The following LGR6 variants were observed in gnomAD, a reference collection of about 807,000 sequenced individuals.
The protein encoded by LGR6 is leucine-rich repeat-containing G protein-coupled receptor 6.
LGR6 carries 45 observed loss-of-function variants against 69.4 expected under a neutral mutation model. The ratio of observed to expected loss-of-function variants is 0.65; its 90% confidence interval spans 0.51 to 0.83. The LOEUF is 0.83. Ranked by LOEUF, LGR6 falls within the 40% of genes least tolerant of loss-of-function variation. LGR6 has a pLI of 0.00. For missense variants in LGR6, 1,108 were observed against 1,246.7 expected, an observed-to-expected ratio of 0.89 and a Z score of 1.68; for synonymous variants, 538 against 555.0, an observed-to-expected ratio of 0.97 and a Z score of 0.43.
At chr1:202,248,825 G>A (rs1662980286) in intron 4 of LGR6, among the ~76,000 whole-genome samples, 1 of 152,202 alleles carries the variant, frequency 6.6e-6, no homozygotes, top group African/African-American at 2.4e-5. Flanking sequence ...TCCAGAAGGT[G>A]TCCTGCCTTT....
chr1:202,227,512 T>TA (rs1240547040), intron 2 of LGR6, among the ~76,000 whole-genome samples: 1 of 152,176 alleles, frequency 6.6e-6, no homozygotes, highest in East Asian at 1.9e-4. Context: ...CACCCCCTGG[T>TA]ACTCCTCCCT....
intron 4 of LGR6, among the ~76,000 whole-genome samples, chr1:202,254,968 G>A (rs945501360): frequency 8.5e-5 from 13 of 152,188 alleles, no homozygotes; most frequent in African/African-American, 3.1e-4. Flanking sequence ...AAAAGCCTGA[G>A]TGAAGTGTGA....
intron 6 of LGR6, 29 bp downstream of exon 6, chr1:202,280,881 G>A (rs1431514890): frequency 6.3e-7 from 1 of 1,593,082 alleles, no homozygotes; most frequent in Admixed American, 1.7e-5. Flanking sequence ...GTCAAACTCT[G>A]TCCTGCCTGG....
At chr1:202,292,351 G>A (rs922143807) in intron 6 of LGR6, among the ~76,000 whole-genome samples, 3 of 152,204 alleles carry the variant, frequency 2.0e-5, no homozygotes, top group African/African-American at 7.2e-5. Context: ...AATTAGTTCA[G>A]GTAGGCTAAA....
chr1:202,242,968 A>G (rs1409331316), intron 4 of LGR6, among the ~76,000 whole-genome samples: 1 of 152,212 alleles, frequency 6.6e-6, no homozygotes. Flanking sequence ...TGGGATGGCT[A>G]CTGCTAGATG....
At chr1:202,229,584 C>A (rs1660841993) in intron 3 of LGR6, among the ~76,000 whole-genome samples, 1 of 152,244 alleles carries the variant, frequency 6.6e-6, no homozygotes, top group East Asian at 1.9e-4. Flanking sequence ...CCTCCTCTTT[C>A]TTCTTTGCCT....
intron 5 of LGR6, among the ~76,000 whole-genome samples, chr1:202,278,946 A>T (rs1665799897): frequency 1.3e-5 from 2 of 152,120 alleles, no homozygotes; most frequent in African/African-American, 2.4e-5. Flanking sequence ...TTGTCTCTTT[A>T]TCTGGACTAT....
Position 202,297,571 on chromosome 1 carries a change from G to A in LGR6, c.780G>A (p.Gln260=). The A allele has an allele frequency of 1.9e-6, 3 of 1,613,720 alleles. No individual in the cohort carries two copies. Among genetic ancestry groups the A allele is most frequent in the Non-Finnish European group, 2.5e-6 (3 of 1,179,764 alleles). The change falls in exon 7 of 18, where the codon CAG becomes CAA. Residue 260 remains glutamine (Q), a synonymous_variant. Coordinates refer to ENST00000367278, the MANE Select transcript of LGR6 (RefSeq NM_001017403.2). ...CCATCCGGACCCTGGGCAGACTGCA[G>A]GAACTGTAAGCGCCTCTTTTGGTTT... is the stretch of plus-strand genomic sequence containing the variant. The part of the protein sequence containing the change: ...PVAIRTLGRL[Q]ELGFHNNNIK...
chr1:202,312,139 G>A (rs972480344), intron 16 of LGR6, among the ~76,000 whole-genome samples: 5 of 152,242 alleles, frequency 3.3e-5, no homozygotes, highest in South Asian at 4.1e-4. Context: ...CGCCTGTAAC[G>A]GGAGCTAGGG....
At chr1:202,304,273 G>A (rs182332179) in intron 10 of LGR6, among the ~76,000 whole-genome samples, 2 of 152,310 alleles carry the variant, frequency 1.3e-5, no homozygotes, top group Non-Finnish European at 1.5e-5. Context: ...TGAGACATGG[G>A]GTGGGGATGG....
At chr1:202,215,940 T>C (rs1002033670) in intron 1 of LGR6, among the ~76,000 whole-genome samples, 2 of 152,188 alleles carry the variant, frequency 1.3e-5, no homozygotes, top group African/African-American at 4.8e-5. Flanking sequence ...AAGGGATTAG[T>C]CTGAGGAAGC....
At chr1:202,276,794 A>G (rs1665596994) in intron 5 of LGR6, among the ~76,000 whole-genome samples, 2 of 152,192 alleles carry the variant, frequency 1.3e-5, no homozygotes, top group South Asian at 4.1e-4. Flanking sequence ...TTAAGCCATT[A>G]TTTTCTTGCC....
chr1:202,225,365 G>A, intron 1 of LGR6, 58 bp from the exon 2 acceptor site: 1 of 1,519,488 alleles, frequency 6.6e-7, no homozygotes, highest in Non-Finnish European at 9.1e-7. Flanking sequence ...CACCTGGACA[G>A]TGCCAGATGG....
intron 4 of LGR6, among the ~76,000 whole-genome samples, chr1:202,247,771 G>A (rs757408912): frequency 6.6e-6 from 1 of 152,164 alleles, no homozygotes. Flanking sequence ...AGTGTATGAC[G>A]ATCTCACTCT....
rs12727101 is a variant in LGR6, at chr1:202,301,999, A to G, written c.929+764A>G. On this transcript the variant is annotated intron_variant, in intron 9 of 17. Transcript: ENST00000367278. ...GCGCCATTGCACTCCAGCCTGGGCA[A>G]CAAGAATGAAACTCCGTCTCAAAAT... Among the ~76,000 whole-genome samples, 16 of 152,274 alleles carry G rather than the reference A, an allele frequency of 1.1e-4. No homozygotes were observed. In the South Asian group the frequency reaches 3.3e-3, roughly 32 times the overall value.
chr1:202,255,761 A>G (rs1032518851), intron 4 of LGR6, among the ~76,000 whole-genome samples: 2 of 152,228 alleles, frequency 1.3e-5, no homozygotes, highest in Non-Finnish European at 2.9e-5. Flanking sequence ...TCTTACAAAC[A>G]CACATGCTTC....
At chr1:202,198,689 T>TGG (rs1658730444) in intron 1 of LGR6, among the ~76,000 whole-genome samples, 2 of 145,270 alleles carry the variant, frequency 1.4e-5, no homozygotes, top group Non-Finnish European at 3.1e-5. Flanking sequence ...TTTTTTTTTT[T>TGG]TTTTTTTAAG....
At chr1:202,260,211 G>A (rs577844560) in intron 4 of LGR6, among the ~76,000 whole-genome samples, 64 of 152,094 alleles carry the variant, frequency 4.2e-4, no homozygotes, top group Non-Finnish European at 6.9e-4. Flanking sequence ...GTTAATTTTT[G>A]TATTTTTAGT....
At chr1:202,250,939 C>T (rs1056128922) in intron 4 of LGR6, among the ~76,000 whole-genome samples, 5 of 152,142 alleles carry the variant, frequency 3.3e-5, no homozygotes, top group African/African-American at 9.7e-5. Context: ...TCCCTGGTTC[C>T]CCCTTCCTCT....
Sources: allele counts gnomAD v4.1 joint callset (sites outside exome capture counted in the v4.1 genomes callset), GRCh38; gene constraint gnomAD v4.1.1; transcripts MANE v1.5; gene names NCBI Gene and HGNC (gene_info 2026-07-23, HGNC 2026-07-21).